Variants in THSD7B observed in about 807,000 individuals in gnomAD.
THSD7B encodes the protein thrombospondin type-1 domain-containing protein 7B.
Under a neutral mutation model 213.6 loss-of-function variants are expected in THSD7B, and 138 were observed. That is an observed-to-expected ratio of 0.65 (90% CI 0.56 to 0.74). The LOEUF (loss-of-function observed/expected upper bound fraction) is 0.74, where lower values mean the gene tolerates loss of function less well. Among genes scored for constraint, THSD7B ranks in the 30% least tolerant of loss-of-function variants. The pLI, the probability that THSD7B is intolerant of heterozygous loss-of-function variation, is 0.00. For missense variants in THSD7B, 1,931 were observed against 1,991.5 expected (o/e 0.97, Z 0.58); for synonymous variants, 742 against 687.0 (o/e 1.08, Z -1.25).
At chr2:137,007,526 A>T (rs1007095772) in intron 2 of THSD7B, among the ~76,000 whole-genome samples, 4 of 152,182 alleles carry the variant, frequency 2.6e-5, no homozygotes, top group Admixed American at 2.6e-4. Flanking sequence ...CAACTCATGG[A>T]GAAAGTACAA....
chr2:137,616,124 T>C (rs1047042175), intron 17 of THSD7B, 51 bp from the exon 18 acceptor site: 9 of 1,592,544 alleles, frequency 5.7e-6, no homozygotes, highest in Middle Eastern at 1.7e-4. Context: ...TCTTATATAA[T>C]TTATCAAATA....
intron 1 of THSD7B, among the ~76,000 whole-genome samples, chr2:136,820,876 G>A (rs7595227): frequency 0.64 from 97,193 of 151,598 alleles, 31,637 homozygotes; most frequent in East Asian, 0.9. Context: ...CTTGAGAGAG[G>A]GAGAGAGACA....
At chr2:137,669,900 A>G (rs556236019) in intron 27 of THSD7B, among the ~76,000 whole-genome samples, 29 of 152,320 alleles carry the variant, frequency 1.9e-4, no homozygotes, top group African/African-American at 6.7e-4. Context: ...ATATTTATTA[A>G]GGCCCCTTTC....
At chr2:137,275,247 G>A (rs1347372485) in intron 11 of THSD7B, among the ~76,000 whole-genome samples, 1 of 152,000 alleles carries the variant, frequency 6.6e-6, no homozygotes, top group Non-Finnish European at 1.5e-5. Flanking sequence ...ATCAACAGCA[G>A]GTCCATTCCT....
chr2:136,895,266 T>C (rs1206668004), intron 2 of THSD7B, among the ~76,000 whole-genome samples: 1 of 152,166 alleles, frequency 6.6e-6, no homozygotes, highest in African/African-American at 2.4e-5. Flanking sequence ...AAACTGAGTT[T>C]GAAGAGTGTA....
intron 2 of THSD7B, among the ~76,000 whole-genome samples, chr2:136,985,602 C>A (rs1685657503): frequency 6.6e-6 from 1 of 152,214 alleles, no homozygotes; most frequent in South Asian, 2.1e-4. Context: ...CAGAAACCTG[C>A]CACAGTGGTG....
chr2:137,596,633 T>A (rs539376248), intron 17 of THSD7B, among the ~76,000 whole-genome samples: 149 of 152,116 alleles, frequency 9.8e-4, no homozygotes, highest in Admixed American at 1.7e-3. Context: ...GAGTGCCTAA[T>A]ATAAATGGCT....
chr2:137,562,594 TTGTGTGTGTGTGTG>T (rs72488766), intron 15 of THSD7B, among the ~76,000 whole-genome samples: 2 of 144,970 alleles, frequency 1.4e-5, no homozygotes, highest in Admixed American at 6.9e-5. Flanking sequence ...GTATTTCTCT[TTGTGTGTGTGTGTG>T]TGTGTGTGTG....
intron 2 of THSD7B, among the ~76,000 whole-genome samples, chr2:136,956,043 A>C (rs1468435927): frequency 6.6e-6 from 1 of 151,910 alleles, no homozygotes; most frequent in East Asian, 1.9e-4. Context: ...AAAAGAAAAA[A>C]AAAAAAAAGA....
intron 1 of THSD7B, among the ~76,000 whole-genome samples, chr2:136,770,861 G>A (rs528782625): frequency 6.6e-6 from 1 of 151,778 alleles, no homozygotes; most frequent in African/African-American, 2.4e-5. Flanking sequence ...GAGCCCAAAG[G>A]TATCAAAACC....
chr2:137,322,361 A>G (rs1684280064), intron 12 of THSD7B, among the ~76,000 whole-genome samples: 1 of 152,224 alleles, frequency 6.6e-6, no homozygotes, highest in Non-Finnish European at 1.5e-5. Context: ...ATGAAATTAG[A>G]GGAGTAGGGC....
chr2:137,403,491 G>T (rs530227039), intron 12 of THSD7B, among the ~76,000 whole-genome samples: 1 of 152,258 alleles, frequency 6.6e-6, no homozygotes, highest in Non-Finnish European at 1.5e-5. Context: ...TCACATAGCA[G>T]ATTTTAAAGA....
intron 7 of THSD7B, among the ~76,000 whole-genome samples, chr2:137,225,285 A>G (rs1681470679): frequency 6.6e-6 from 1 of 152,166 alleles, no homozygotes; most frequent in Non-Finnish European, 1.5e-5. Context: ...GCATTGTTCA[A>G]TTCCACCCCA....
chr2:137,129,975 T>C (rs2117743), intron 5 of THSD7B, among the ~76,000 whole-genome samples: 3,534 of 152,228 alleles, frequency 0.023, 145 homozygotes, highest in African/African-American at 0.08. Flanking sequence ...TGACATTTGG[T>C]GTTGGAGGAC....
intron 15 of THSD7B, among the ~76,000 whole-genome samples, chr2:137,498,088 C>T (rs1366150882): frequency 2.6e-5 from 4 of 152,128 alleles, no homozygotes; most frequent in Admixed American, 6.5e-5. Context: ...GGAACTTTCC[C>T]TTATATAAAA....
Position 137,056,861 on chromosome 2 carries a change from G to A in THSD7B, c.581G>A (p.Gly194Glu). 6.2e-7 allele frequency: 1 copy of A among 1,613,980 alleles called. No individual in the cohort carries two copies. The highest frequency in any genetic ancestry group is 1.1e-5 in the South Asian group (1 of 91,078). Residue 194 changes from glycine to glutamate, a missense_variant, in exon 3 of 28, where the codon GGA becomes GAA. Gly to Glu is a moderately conservative substitution (Grantham distance 98). Transcript: ENST00000409968. ...TTACCATGGTCCAACTGTAGCAAGG[G>A]ATGTGGGAAGAAATTGCAGCATAGA... ...EFLPWSNCSK[G>E]CGKKLQHRTR...
chr2:137,031,317 C>T lies in THSD7B; in HGVS notation c.140-25103C>T, dbSNP rs1686661468. Reference sequence around the variant, plus strand: ...CCGAGATCATGCCACTGCACTCTAGCCTGGGCGACAGAGTGAGACTCTGTC... The same window carrying T: ...CCGAGATCATGCCACTGCACTCTAGTCTGGGCGACAGAGTGAGACTCTGTC... On this transcript the variant is annotated intron_variant, in intron 2 of 27. Transcript: ENST00000409968. Among the ~76,000 whole-genome samples the T allele has an allele frequency of 2.0e-5, 3 of 152,210 alleles. No homozygotes were observed. The South Asian group carries it at 6.2e-4, about 32-fold the overall frequency.
intron 5 of THSD7B, among the ~76,000 whole-genome samples, chr2:137,138,900 T>C (rs1331181723): frequency 6.6e-6 from 1 of 152,182 alleles, no homozygotes; most frequent in East Asian, 1.9e-4. Flanking sequence ...TTGGTGTCAT[T>C]TGCAATATCT....
At chr2:137,149,467 G>A (rs1679770856) in intron 5 of THSD7B, among the ~76,000 whole-genome samples, 1 of 152,114 alleles carries the variant, frequency 6.6e-6, no homozygotes, top group African/African-American at 2.4e-5. Context: ...GCACTACTTG[G>A]GACCTAGTGA....
Sources: gnomAD v4.1 joint callset for allele counts (sites outside exome capture counted in the v4.1 genomes callset) on GRCh38, gnomAD v4.1.1 for gene constraint, MANE v1.5 for transcripts, NCBI Gene and HGNC (gene_info 2026-07-23, HGNC 2026-07-21) for gene names.